Variants in FAT1 observed in about 807,000 individuals in gnomAD.
The protein encoded by FAT1 is FAT atypical cadherin 1, also known as protocadherin Fat 1.
In FAT1, 171 loss-of-function variants were observed where a neutral mutation model predicts 329.8. The ratio of observed to expected loss-of-function variants is 0.52; its 90% confidence interval spans 0.46 to 0.59. The LOEUF is 0.59. FAT1 is among the 20% of genes least tolerant of loss of function. The pLI, the probability that FAT1 is intolerant of heterozygous loss-of-function variation, is 0.00. For synonymous variants in FAT1, 2,233 were observed against 2,228.6 expected (o/e 1.00, Z -0.06); for missense variants, 5,672 against 5,774.4 (o/e 0.98, Z 0.57).
intron 9 of FAT1, among the ~76,000 whole-genome samples, chr4:186,627,368 C>T (rs537894422): frequency 6.6e-6 from 1 of 152,120 alleles, no homozygotes; most frequent in African/African-American, 2.4e-5. Flanking sequence ...TTCATCAGCC[C>T]ACAGAATGAA....
At chr4:186,649,240 G>A (rs776499840) in intron 3 of FAT1, among the ~76,000 whole-genome samples, 1 of 152,024 alleles carries the variant, frequency 6.6e-6, no homozygotes, top group East Asian at 1.9e-4. Context: ...AATCATTAAA[G>A]CCTGTTAGAA....
intron 2 of FAT1, among the ~76,000 whole-genome samples, chr4:186,668,315 G>A (rs990092414): frequency 5.3e-5 from 8 of 152,260 alleles, no homozygotes; most frequent in East Asian, 1.9e-4. Flanking sequence ...GAGGCAAGAC[G>A]AAGGTCCAGG....
chr4:186,716,085 A>G (rs1236126901), intron 1 of FAT1, among the ~76,000 whole-genome samples: 1 of 152,276 alleles, frequency 6.6e-6, no homozygotes, highest in African/African-American at 2.4e-5. Context: ...CACACGCCAC[A>G]GAGACAGGAC....
At chr4:186,722,216 C>T (rs555217079) in intron 1 of FAT1, among the ~76,000 whole-genome samples, 18 of 152,294 alleles carry the variant, frequency 1.2e-4, no homozygotes, top group African/African-American at 3.1e-4. Context: ...GAGAACCCAA[C>T]GGGGATACTT....
chr4:186,605,878 C>T (rs990680077), intron 17 of FAT1, among the ~76,000 whole-genome samples, 192 bp downstream of exon 17: 11 of 152,042 alleles, frequency 7.2e-5, no homozygotes, highest in African/African-American at 2.7e-4. Flanking sequence ...AATCAAAGCA[C>T]GGAAAGGAAA....
intron 2 of FAT1, among the ~76,000 whole-genome samples, chr4:186,682,158 G>A (rs1743240921): frequency 6.6e-6 from 1 of 152,184 alleles, no homozygotes; most frequent in Non-Finnish European, 1.5e-5. Flanking sequence ...TTGCCACCCA[G>A]ATTCAGGACT....
chr4:186,680,090 G>T (rs920358796), intron 2 of FAT1, among the ~76,000 whole-genome samples: 1 of 152,068 alleles, frequency 6.6e-6, no homozygotes, highest in Non-Finnish European at 1.5e-5. Context: ...ATCCCAACAC[G>T]ACTGCAAATT....
intron 2 of FAT1, among the ~76,000 whole-genome samples, chr4:186,674,370 G>A (rs1270069895): frequency 6.6e-6 from 1 of 152,210 alleles, no homozygotes; most frequent in East Asian, 1.9e-4. Context: ...ATCCAACTTT[G>A]GTAGCAGAGA....
intron 2 of FAT1, among the ~76,000 whole-genome samples, chr4:186,674,097 T>C (rs985815911): frequency 1.7e-4 from 26 of 152,252 alleles, no homozygotes; most frequent in African/African-American, 6.0e-4. Context: ...TGTTGATTAC[T>C]CTTCTCCCCT....
chr4:186,678,953 A>G (rs970594281), intron 2 of FAT1, among the ~76,000 whole-genome samples: 3 of 152,218 alleles, frequency 2.0e-5, no homozygotes, highest in African/African-American at 7.2e-5. Flanking sequence ...TCAAATGCCC[A>G]TCAGTGATAG....
intron 12 of FAT1, 35 bp downstream of exon 12, chr4:186,614,156 T>C (rs781227037): frequency 6.4e-7 from 1 of 1,556,052 alleles, no homozygotes; most frequent in East Asian, 2.3e-5. Context: ...ACTGTTGGAA[T>C]ATACAATTTA....
intron 2 of FAT1, among the ~76,000 whole-genome samples, chr4:186,705,029 C>T (rs770581345): frequency 5.4e-5 from 8 of 149,314 alleles, no homozygotes; most frequent in Non-Finnish European, 1.0e-4. Context: ...ACTCCAGCCT[C>T]GACCTCCTGG....
intron 1 of FAT1, among the ~76,000 whole-genome samples, chr4:186,714,124 G>A (rs1561015663): frequency 6.6e-6 from 1 of 152,204 alleles, no homozygotes; most frequent in African/African-American, 2.4e-5. Context: ...TCAGTAAAAT[G>A]GAAAAACCTG....
At position 186,613,209 on chromosome 4, in the gene FAT1, G is replaced by T. The variant is rs2249916; in HGVS notation, c.9363C>A (p.Asn3121Lys). 6.2e-7 allele frequency: 1 copy of T among 1,612,166 alleles called. No homozygotes were observed. The highest frequency in any genetic ancestry group is 1.3e-5 in the African/African-American group (1 of 74,702). ...IVLTLEDVNDNAPEFSADPYA... is the reference protein window; with the variant it reads ...IVLTLEDVNDKAPEFSADPYA... ...AAGGATCGGCAGAGAATTCGGGGGCGTTATCGTTCACATCTTCTAGCGTGA... is the reference window on the plus strand; with the variant it reads ...AAGGATCGGCAGAGAATTCGGGGGCTTTATCGTTCACATCTTCTAGCGTGA... Residue 3121 changes from asparagine (N) to lysine (K), a missense_variant, in exon 13 of 27, where the codon AAC becomes AAA. Asn to Lys is a moderately conservative substitution (Grantham distance 94). Around this residue, in one of 2 missense-constraint regions of FAT1, gnomAD observed 3,966 missense variants for 3,915.2 expected, o/e 1.01. Transcript: ENST00000441802.
chr4:186,602,852 A>G, intron 20 of FAT1, 51 bp downstream of exon 20: 1 of 1,564,660 alleles, frequency 6.4e-7, no homozygotes, highest in Non-Finnish European at 8.7e-7. Flanking sequence ...GGTAAGAAAC[A>G]ATGAAACCGA....
chr4:186,724,351 G>A (rs1345010119), upstream of FAT1, among the ~76,000 whole-genome samples: 3 of 152,100 alleles, frequency 2.0e-5, no homozygotes, highest in African/African-American at 7.2e-5. The surrounding 1 kb of genome is among the most constrained non-coding windows in gnomAD (Gnocchi z 5.3). Context: ...GGTCTCCAAA[G>A]GAATGCAGCT....
intron 3 of FAT1, among the ~76,000 whole-genome samples, chr4:186,661,479 G>A (rs951912565): frequency 6.6e-6 from 1 of 152,156 alleles, no homozygotes; most frequent in South Asian, 2.1e-4. Context: ...CAAGAAAGCA[G>A]AGTTCAGAGT....
rs563900688 is a variant in FAT1, at chr4:186,599,993, A to G, written c.12008T>C (p.Val4003Ala). 3.1e-5 allele frequency: 50 copies of G among 1,613,982 alleles called. No homozygotes were observed. The African/African-American group carries it at 5.7e-4, about 18-fold the overall frequency. Residue 4003 changes from valine (V) to alanine (A), a missense_variant, in exon 22 of 27, where the codon GTG becomes GCG. This residue lies in a region of FAT1 where 1,706 missense variants were observed against 1,859.1 expected (regional missense o/e 0.92). Coordinates refer to ENST00000441802, the MANE Select transcript of FAT1 (RefSeq NM_005245.4). ...CAGGAAGCAGCCTGGAGATACATCC[A>G]CCGACTCTTCGATGTGTGCATAGCT... Reference protein sequence around the residue: ...PRSYAHIEESVDVSPGCFLTA... With the variant: ...PRSYAHIEESADVSPGCFLTA...
In FAT1 at chr4:186,621,783, G is replaced by A. The variant is rs377343261; in HGVS notation, c.4811-8C>T. 9 of 1,524,542 alleles carry A rather than the reference G, an allele frequency of 5.9e-6. No homozygotes were observed. The highest frequency in any genetic ancestry group is 7.9e-6 in the Non-Finnish European group (9 of 1,136,054). The allele number at this position is 1,524,542 out of a possible 1,614,324, so 94.4% of individuals were successfully genotyped here. A position where few individuals can be genotyped will look rare whatever the true frequency, so the allele number is the denominator to read the frequency against. Reference sequence around the variant, plus strand: ...AAGAATTTCCAATATTTCCTGGAAGGAGAGGAAAAAATACATGTTACAGAA... The same window carrying A: ...AAGAATTTCCAATATTTCCTGGAAGAAGAGGAAAAAATACATGTTACAGAA... On this transcript the variant is annotated splice_region_variant and splice_polypyrimidine_tract_variant and intron_variant, in intron 9 of 26. Transcript: ENST00000441802.
Sources: allele counts gnomAD v4.1 joint callset (sites outside exome capture counted in the v4.1 genomes callset), GRCh38; gene constraint gnomAD v4.1.1; regional missense constraint gnomAD v4.1.1; non-coding constraint Gnocchi (gnomAD v3.1); transcripts MANE v1.5; gene names NCBI Gene and HGNC (gene_info 2026-07-23, HGNC 2026-07-21).